Variants in DIP2C observed in about 807,000 individuals in gnomAD.
DIP2C encodes the protein DIP2 acetate--CoA ligase C (putative), also known as disco-interacting protein 2 homolog C.
DIP2C carries 33 observed loss-of-function variants against 192.4 expected under a neutral mutation model. That is an observed-to-expected ratio of 0.17 (90% CI 0.13 to 0.23). The LOEUF (loss-of-function observed/expected upper bound fraction) is 0.23, where lower values mean the gene tolerates loss of function less well. DIP2C is among the 10% of genes least tolerant of loss of function. The pLI, the probability that DIP2C is intolerant of heterozygous loss-of-function variation, is 1.00. For missense variants in DIP2C, 1,537 were observed against 2,110.1 expected (o/e 0.73, Z 5.32); for synonymous variants, 979 against 864.1 (o/e 1.13, Z -2.33).
intron 1 of DIP2C, among the ~76,000 whole-genome samples, chr10:576,302 T>A (rs1419270462): frequency 6.6e-6 from 1 of 152,184 alleles, no homozygotes; most frequent in East Asian, 1.9e-4. Context: ...ACAGACCACA[T>A]CACACTCGAG....
chr10:611,367 GGAA>G (rs1341708846), intron 1 of DIP2C, among the ~76,000 whole-genome samples: 3 of 152,188 alleles, frequency 2.0e-5, no homozygotes, highest in Admixed American at 6.5e-5. Flanking sequence ...TTATAGCAGT[GGAA>G]GAATAGCGCA....
chr10:302,841 C>T (rs778038017), intron 32 of DIP2C, among the ~76,000 whole-genome samples: 3 of 152,168 alleles, frequency 2.0e-5, no homozygotes, highest in South Asian at 2.1e-4. Context: ...GCTTGTAGGA[C>T]GGGAAGCTGC....
At chr10:350,658 G>A (rs983291407) in intron 24 of DIP2C, among the ~76,000 whole-genome samples, 1 of 69,448 alleles carries the variant, frequency 1.4e-5, no homozygotes, top group Non-Finnish European at 2.8e-5. Context: ...TTTTTTTTTT[G>A]AGATGGGGTC....
chr10:404,328 C>T (rs1964653417), intron 9 of DIP2C, among the ~76,000 whole-genome samples: 1 of 151,926 alleles, frequency 6.6e-6, no homozygotes, highest in African/African-American at 2.4e-5. Flanking sequence ...CTTGCCTCAG[C>T]CTCCCGAATA....
chr10:500,300 C>T (rs1017320843), intron 1 of DIP2C, among the ~76,000 whole-genome samples: 2 of 152,266 alleles, frequency 1.3e-5, no homozygotes, highest in South Asian at 2.1e-4. Flanking sequence ...CTGAGACCTG[C>T]AGCCACCAGC....
intron 8 of DIP2C, among the ~76,000 whole-genome samples, chr10:412,106 T>A (rs1267773061): frequency 6.6e-6 from 1 of 152,184 alleles, no homozygotes; most frequent in Non-Finnish European, 1.5e-5. Context: ...CATCTTAACC[T>A]TGCAGGAAGG....
intron 1 of DIP2C, among the ~76,000 whole-genome samples, chr10:602,590 G>GC (rs1204904823): frequency 1.4e-4 from 21 of 152,204 alleles, no homozygotes; most frequent in African/African-American, 5.1e-4. Flanking sequence ...AACAGGTCCT[G>GC]GGGCACCAGA....
chr10:464,279 G>C (rs1305096521), intron 3 of DIP2C, among the ~76,000 whole-genome samples: 1 of 151,086 alleles, frequency 6.6e-6, no homozygotes, highest in Non-Finnish European at 1.5e-5. Context: ...CATCTACAAA[G>C]AACTTAAACA....
chr10:380,698 G>A (rs559850137), intron 17 of DIP2C, among the ~76,000 whole-genome samples: 18 of 152,328 alleles, frequency 1.2e-4, no homozygotes, highest in Admixed American at 3.3e-4. Flanking sequence ...CACATTGGAC[G>A]TGACGACCTT....
intron 29 of DIP2C, among the ~76,000 whole-genome samples, chr10:330,677 C>A (rs1276236202): frequency 1.4e-5 from 2 of 147,854 alleles, no homozygotes; most frequent in African/African-American, 2.5e-5. Flanking sequence ...GTGGTAGGGT[C>A]TATGTTGCCT....
At chr10:657,622 A>C (rs1479910296) in intron 1 of DIP2C, among the ~76,000 whole-genome samples, 5 of 52,576 alleles carry the variant, frequency 9.5e-5, no homozygotes, top group Admixed American at 2.2e-4. Flanking sequence ...GCTGGACCTG[A>C]TGCTGGACCT....
At position 345,008 on chromosome 10, in the gene DIP2C, G is replaced by A. The variant is rs1188480416; in HGVS notation, c.3334C>T (p.Leu1112=). 2 of 1,612,474 alleles carry A rather than the reference G, an allele frequency of 1.2e-6. No homozygotes were observed. The highest frequency in any genetic ancestry group is 1.7e-5 in the Admixed American group (1 of 59,912). The part of the protein sequence containing the change: ...AVDVRTWPLI[L]DTDDLPKKRP... ...CAGCTAAAGCACCAACCTGTGTCCA[G>A]GATGAGGGGCCACGTCCTGACGTCC... is the stretch of plus-strand genomic sequence containing the variant. Residue 1112 remains leucine, a synonymous_variant, in exon 27 of 37, where the codon CTG becomes TTG. Transcript: ENST00000280886.
At chr10:352,425 C>T (rs1043154525) in intron 24 of DIP2C, among the ~76,000 whole-genome samples, 1 of 152,220 alleles carries the variant, frequency 6.6e-6, no homozygotes, top group East Asian at 1.9e-4. Flanking sequence ...TAAAAACAAA[C>T]AGCAAAGCTT....
At chr10:477,860 G>A (rs550413043) in intron 2 of DIP2C, among the ~76,000 whole-genome samples, 25 of 129,434 alleles carry the variant, frequency 1.9e-4, no homozygotes, top group African/African-American at 7.5e-4. Context: ...GAGAAGTGAA[G>A]GAAGCAGAGA....
intron 32 of DIP2C, among the ~76,000 whole-genome samples, chr10:305,155 C>T (rs1406317214): frequency 6.6e-6 from 1 of 152,190 alleles, no homozygotes; most frequent in Non-Finnish European, 1.5e-5. Flanking sequence ...AACACACTTG[C>T]ACAAACTCAT....
At chr10:303,871 C>T (rs1347932193) in intron 32 of DIP2C, among the ~76,000 whole-genome samples, 1 of 152,046 alleles carries the variant, frequency 6.6e-6, no homozygotes, top group Admixed American at 6.6e-5. Flanking sequence ...AACTAATACA[C>T]AGACACACAT....
intron 1 of DIP2C, chr10:630,438 CAT>C (rs1486145188): frequency 6.6e-6 from 1 of 152,212 alleles, no homozygotes; most frequent in Non-Finnish European, 1.5e-5. Flanking sequence ...AATAAGGTAA[CAT>C]ATTCATGGCA....
rs577900901 is a variant in DIP2C, at chr10:470,716, C to T, written c.268+1723G>A. Among the ~76,000 whole-genome samples, 9 of 152,212 alleles carry T rather than the reference C, an allele frequency of 5.9e-5. No homozygotes were observed. The South Asian group carries it at 1.7e-3, about 28-fold the overall frequency. ...GTAGGAAACACGCAGTGGCGACTGA[C>T]GCGGATCTCCTGTGTGGTAAGATGG... On this transcript the variant is annotated intron_variant, in intron 3 of 36. Coordinates refer to ENST00000280886, the MANE Select transcript of DIP2C (RefSeq NM_014974.3).
At chr10:515,446 G>A (rs1178566628) in intron 1 of DIP2C, among the ~76,000 whole-genome samples, 1 of 152,188 alleles carries the variant, frequency 6.6e-6, no homozygotes, top group Non-Finnish European at 1.5e-5. Flanking sequence ...GATCGGGCCG[G>A]GTGCAGTGGC....
Sources: gnomAD v4.1 joint callset for allele counts (sites outside exome capture counted in the v4.1 genomes callset) on GRCh38, gnomAD v4.1.1 for gene constraint, MANE v1.5 for transcripts, NCBI Gene and HGNC (gene_info 2026-07-23, HGNC 2026-07-21) for gene names.